The following LRRIQ3 variants were observed in gnomAD, a reference collection of about 807,000 sequenced individuals.
LRRIQ3 encodes leucine rich repeats and IQ motif containing 3.
A neutral mutation model predicts 59.3 loss-of-function variants in LRRIQ3; 75 were observed. The observed-to-expected ratio is 1.26, with a 90% confidence interval of 1.05 to 1.53. The LOEUF is 1.53. Ranked by LOEUF, LRRIQ3 falls within the 40% of genes most tolerant of loss-of-function variation. The probability of loss-of-function intolerance (pLI) is 0.00; values close to 1 mark genes in which losing one functional copy is unlikely to be tolerated. For synonymous variants in LRRIQ3, 250 were observed against 231.3 expected, an observed-to-expected ratio of 1.08 and a Z score of -0.73; for missense variants, 831 against 710.0, an observed-to-expected ratio of 1.17 and a Z score of -1.94.
At chr1:74,089,670 G>A (rs1012380050) in intron 5 of LRRIQ3, among the ~76,000 whole-genome samples, 18 of 152,008 alleles carry the variant, frequency 1.2e-4, no homozygotes, top group African/African-American at 4.3e-4. Flanking sequence ...ATAGATTAAT[G>A]TTCCCAGGGG....
Position 74,198,005 on chromosome 1 carries a change from T to C in LRRIQ3, c.-10A>G, listed in dbSNP as rs1156543590. 1.1e-5 allele frequency: 6 copies of C among 558,860 alleles called. No individual in the cohort carries two copies. The highest frequency in any genetic ancestry group is 1.9e-5 in the African/African-American group (1 of 52,898). The allele number at this position is 558,860 out of a possible 1,614,324, so 34.6% of individuals were successfully genotyped here. On this transcript the variant is annotated 5_prime_UTR_variant, in exon 1 of 8. Transcript: ENST00000354431. ...AAACTGAACCACTCACCGGGTCAAC[T>C]GGGCTGCAAGCCCTTATGAGTTGGA...
At chr1:74,060,164 C>A (rs751594378) in intron 6 of LRRIQ3, among the ~76,000 whole-genome samples, 1 of 151,456 alleles carries the variant, frequency 6.6e-6, no homozygotes, top group Non-Finnish European at 1.5e-5. Flanking sequence ...CCTTCTTCTT[C>A]GTCGTCATCT....
chr1:74,168,690 A>G (rs1223191921), intron 3 of LRRIQ3, among the ~76,000 whole-genome samples: 1 of 151,480 alleles, frequency 6.6e-6, no homozygotes, highest in Non-Finnish European at 1.5e-5. Flanking sequence ...TTGATTTCCT[A>G]TGGGTTACTT....
intron 4 of LRRIQ3, among the ~76,000 whole-genome samples, chr1:74,117,431 T>C (rs1646792484): frequency 6.6e-6 from 1 of 152,134 alleles, no homozygotes. Flanking sequence ...GTACAATTAT[T>C]AGCAGAAATA....
rs67802733 is a variant in LRRIQ3, at chr1:74,063,074, C to CAAAACA, written c.997+11586_997+11587insTGTTTT. On this transcript the variant is annotated intron_variant, in intron 6 of 7. Transcript: ENST00000354431. Reference sequence around the variant, plus strand: ...CAACCACTACCAAAGCAAAACAAAACAAAAAAAATCAAAACAAAACAAAAC... The same window carrying CAAAACA: ...CAACCACTACCAAAGCAAAACAAAACAAAACAAAAAAAAATCAAAACAAAACAAAAC... 2.6e-3 allele frequency among the ~76,000 whole-genome samples: 380 copies of CAAAACA among 148,612 alleles called. 3 individuals carry two copies. The highest frequency in any genetic ancestry group is 8.4e-3 in the African/African-American group (344 of 40,768).
chr1:74,144,466 T>C (rs1037654934), intron 4 of LRRIQ3: 3 of 339,066 alleles, frequency 8.8e-6, no homozygotes, highest in Non-Finnish European at 1.8e-5. Context: ...AACTTAAAAA[T>C]TAGAAAAAAA....
At position 74,041,388 on chromosome 1, in the gene LRRIQ3, G is replaced by T. The variant is rs764139601; in HGVS notation, c.1543C>A (p.Arg515Ser). 6.2e-7 allele frequency: 1 copy of T among 1,613,654 alleles called. No homozygotes were observed. Among genetic ancestry groups the T allele is most frequent in the South Asian group, 1.1e-5 (1 of 91,058 alleles). ...TTATTTAAGTTTTGAACTAATAAAC[G>T]CTCTGAAGCCTTTTGGGATTTTTCT... is the stretch of plus-strand genomic sequence containing the variant. ...LKEKSQKASE[R>S]LLVQNLNNER... The change falls in exon 7 of 8, where the codon CGT (arginine) becomes AGT (serine). Residue 515 changes from arginine to serine, a missense_variant. Transcript: ENST00000354431.
At chr1:74,102,183 A>G (rs1011770599) in intron 5 of LRRIQ3, among the ~76,000 whole-genome samples, 1 of 152,040 alleles carries the variant, frequency 6.6e-6, no homozygotes, top group Non-Finnish European at 1.5e-5. Context: ...AATAATATTT[A>G]GAAAAGAATA....
At chr1:74,057,580 T>C (rs1360733158) in intron 6 of LRRIQ3, among the ~76,000 whole-genome samples, 2 of 152,134 alleles carry the variant, frequency 1.3e-5, no homozygotes, top group African/African-American at 4.8e-5. Flanking sequence ...TCTCTCACCA[T>C]ATAAAAAATC....
chr1:74,060,188 TTTCTTCTTCTTC>T (rs1322871460), intron 6 of LRRIQ3, among the ~76,000 whole-genome samples: 1 of 111,518 alleles, frequency 9.0e-6, no homozygotes, highest in African/African-American at 3.2e-5. Context: ...TCTTCTTCTT[TTTCTTCTTCTTC>T]TTCTTCTTCT....
At chr1:74,071,867 G>A (rs1048475808) in intron 6 of LRRIQ3, among the ~76,000 whole-genome samples, 2 of 152,042 alleles carry the variant, frequency 1.3e-5, no homozygotes, top group African/African-American at 2.4e-5. Context: ...CCTTTCATTA[G>A]TGTATTTATC....
chr1:74,133,142 C>T (rs1000220447), intron 4 of LRRIQ3, among the ~76,000 whole-genome samples: 8 of 151,958 alleles, frequency 5.3e-5, no homozygotes, highest in East Asian at 1.9e-4. Flanking sequence ...CAGAGAAATG[C>T]AAATCAAAAA....
intron 3 of LRRIQ3, among the ~76,000 whole-genome samples, chr1:74,178,290 A>G (rs965201570): frequency 6.6e-6 from 1 of 151,990 alleles, no homozygotes; most frequent in African/African-American, 2.4e-5. Flanking sequence ...ATAAATGTAA[A>G]CATGTAATTT....
chr1:74,131,981 T>C (rs1315330687), intron 4 of LRRIQ3, among the ~76,000 whole-genome samples: 2 of 152,132 alleles, frequency 1.3e-5, no homozygotes, highest in East Asian at 1.9e-4. Context: ...GAAAACCCCA[T>C]TGTCTCAGCA....
chr1:74,114,293 G>A (rs147226367), intron 4 of LRRIQ3, among the ~76,000 whole-genome samples: 407 of 151,928 alleles, frequency 2.7e-3, no homozygotes, highest in East Asian at 6.4e-3. Context: ...ACAAACTGTC[G>A]GATTTGTAAC....
intron 4 of LRRIQ3, among the ~76,000 whole-genome samples, chr1:74,113,582 G>C (rs1646733866): frequency 6.6e-6 from 1 of 152,004 alleles, no homozygotes; most frequent in African/African-American, 2.4e-5. Flanking sequence ...GCTCTCTTAT[G>C]AGAAACAATG....
chr1:74,148,427 C>T (rs1054970478), intron 4 of LRRIQ3, among the ~76,000 whole-genome samples: 27 of 152,190 alleles, frequency 1.8e-4, no homozygotes, highest in Non-Finnish European at 1.2e-4. Flanking sequence ...TCCTCAGTCA[C>T]CAGTTGTGGC....
chr1:74,131,854 A>G (rs962800103), intron 4 of LRRIQ3, among the ~76,000 whole-genome samples: 2 of 152,180 alleles, frequency 1.3e-5, no homozygotes, highest in African/African-American at 4.8e-5. Context: ...CCTATTTAAC[A>G]TAGTGTTGGA....
At chr1:74,036,704 G>T (rs537595408) in intron 7 of LRRIQ3, among the ~76,000 whole-genome samples, 1 of 152,190 alleles carries the variant, frequency 6.6e-6, no homozygotes, top group South Asian at 2.1e-4. Flanking sequence ...TGGGCCAAAT[G>T]ATCTTTACAT....
Sources: allele counts gnomAD v4.1 joint callset (sites outside exome capture counted in the v4.1 genomes callset), GRCh38; gene constraint gnomAD v4.1.1; transcripts MANE v1.5; gene names NCBI Gene and HGNC (gene_info 2026-07-23, HGNC 2026-07-21).